Variants in EPRS1 observed in about 807,000 individuals in gnomAD.
EPRS1 encodes bifunctional glutamate/proline--tRNA ligase.
Under a neutral mutation model 188.3 loss-of-function variants are expected in EPRS1, and 107 were observed. That is an observed-to-expected ratio of 0.57 (90% CI 0.49 to 0.67). EPRS1 has a LOEUF of 0.67. EPRS1 is among the 30% of genes least tolerant of loss of function. EPRS1 has a pLI of 0.00. For missense variants in EPRS1, 1,577 were observed against 1,802.2 expected, an observed-to-expected ratio of 0.88 and a Z score of 2.26; for synonymous variants, 596 against 593.1, an observed-to-expected ratio of 1.00 and a Z score of -0.07.
Position 219,982,421 on chromosome 1 carries a change from A to C in EPRS1, c.3373+351T>G, listed in dbSNP as rs1171460662. 3 of 164,176 alleles carry C rather than the reference A, an allele frequency of 1.8e-5. No individual in the cohort carries two copies. In the Admixed American group the frequency reaches 1.9e-4, roughly 10 times the overall value. The allele number at this position is 164,176 out of a possible 1,614,324, so 10.2% of individuals were successfully genotyped here. ...AATGCAAACCTAAATGTATTATTAA[A>C]ATTTAAAAATAATTATGGCATAAAA... is the stretch of plus-strand genomic sequence containing the variant. On this transcript the variant is annotated intron_variant, in intron 23 of 31. Coordinates refer to ENST00000366923, the MANE Select transcript of EPRS1 (RefSeq NM_004446.3).
intron 10 of EPRS1, 98 bp from the exon 11 acceptor site, chr1:220,019,177 T>C (rs1465143404): frequency 2.5e-6 from 2 of 812,834 alleles, no homozygotes; most frequent in Non-Finnish European, 4.2e-6. Context: ...ATTCAGCTTG[T>C]TAAACATTTG....
In EPRS1 at chr1:219,983,241, G is replaced by A; in HGVS notation, c.3248C>T (p.Ser1083Phe). The A allele has an allele frequency of 6.2e-7, 1 of 1,614,118 alleles. No individual in the cohort carries two copies. Among genetic ancestry groups the A allele is most frequent in the Non-Finnish European group, 8.5e-7 (1 of 1,179,992 alleles). The part of the protein sequence containing the change: ...VENCYFPMFV[S>F]QSALEKEKTH... The stretch of plus-strand genomic sequence containing the variant: ...CTTCTCTTTCTCTAATGCACTTTGA[G>A]ACACAAACATGGGGAAGTAGCAGTT... The change falls in exon 22 of 32, where the codon TCT becomes TTT. Residue 1083 changes from serine to phenylalanine, a missense_variant. By Grantham distance (155) the Ser-to-Phe change is radical (BLOSUM62 -2). Transcript: ENST00000366923.
intron 9 of EPRS1, among the ~76,000 whole-genome samples, chr1:220,020,565 A>T (rs1661850456): frequency 6.6e-6 from 1 of 151,830 alleles, no homozygotes; most frequent in Non-Finnish European, 1.5e-5. Flanking sequence ...ATTTTAAGGA[A>T]ATTTAGCTTT....
At chr1:219,985,483 C>T (rs1332506366) in intron 20 of EPRS1, among the ~76,000 whole-genome samples, 2 of 152,152 alleles carry the variant, frequency 1.3e-5, no homozygotes, top group African/African-American at 4.8e-5. Context: ...ACCTCCACCT[C>T]CCAGGTTTAA....
intron 30 of EPRS1, among the ~76,000 whole-genome samples, chr1:219,971,189 A>T (rs549316403): frequency 6.6e-6 from 1 of 152,302 alleles, no homozygotes; most frequent in East Asian, 1.9e-4. Flanking sequence ...TTGTAACCTG[A>T]GGACACAGGA....
At chr1:220,018,951 C>T (rs1571687939) in intron 11 of EPRS1, 44 bp downstream of exon 11, 1 of 1,304,654 alleles carries the variant, frequency 7.7e-7, no homozygotes, top group South Asian at 1.2e-5. Context: ...ATAGAAGTAC[C>T]TGAAATTTCA....
chr1:220,017,925 G>A (rs1236700832), intron 12 of EPRS1, among the ~76,000 whole-genome samples: 1 of 152,168 alleles, frequency 6.6e-6, no homozygotes, highest in East Asian at 1.9e-4. Context: ...GTAGAATAGA[G>A]TTATCCCAAT....
At chr1:220,033,795 A>G (rs1558061739) in intron 3 of EPRS1, 137 bp from the exon 4 acceptor site, 3 of 612,242 alleles carry the variant, frequency 4.9e-6, no homozygotes, top group Non-Finnish European at 8.6e-6. Context: ...TATACAATTT[A>G]TCATTATGTG....
chr1:220,024,412 T>C lies in EPRS1; in HGVS notation c.795A>G (p.Gln265=), dbSNP rs138537399. The change falls in exon 8 of 32, where the codon CAA becomes CAG. Residue 265 remains glutamine (Q), a synonymous_variant. Transcript: ENST00000366923. ...DVAMLHIKPD[Q]FTYTSDHFET... is the part of the protein sequence containing the mutation. ...CAAAATGATCCGAAGTATAAGTAAATTGATCTGGTTTGATATGCAACATTG... is the reference window on the plus strand; with the variant it reads ...CAAAATGATCCGAAGTATAAGTAAACTGATCTGGTTTGATATGCAACATTG... 112 of 1,609,490 alleles carry C rather than the reference T, an allele frequency of 7.0e-5. No individual in the cohort carries two copies. The Middle Eastern group carries it at 8.2e-4, about 12-fold the overall frequency.
intron 28 of EPRS1, among the ~76,000 whole-genome samples, chr1:219,975,121 A>G (rs1022290830): frequency 2.6e-5 from 4 of 152,226 alleles, no homozygotes; most frequent in Admixed American, 6.5e-5. Flanking sequence ...GCAAAATGCA[A>G]TAGGACTGGA....
At chr1:220,020,871 T>TATATATATATATATG (rs1661865473) in intron 9 of EPRS1, among the ~76,000 whole-genome samples, 3 of 132,038 alleles carry the variant, frequency 2.3e-5, no homozygotes, top group Non-Finnish European at 4.8e-5. Context: ...TATATATATA[T>TATATATATATATATG]TAGTGCATTA....
At chr1:220,031,547 C>A (rs553867780) in intron 5 of EPRS1, among the ~76,000 whole-genome samples, 1 of 152,262 alleles carries the variant, frequency 6.6e-6, no homozygotes, top group East Asian at 1.9e-4. Context: ...AGATTTGTAG[C>A]CAAAACAACT....
Position 220,018,479 on chromosome 1 carries a change from C to T in EPRS1, c.1464G>A (p.Glu488=). ...QGSSRSVVNM[E]WDKIWAFNKK... is the part of the protein sequence containing the mutation. ...TGTTAAACGCCCAGATTTTGTCCCA[C>T]TCCATGTTCACGACTGAACGTGAGG... Residue 488 remains glutamate, a synonymous_variant, in exon 12 of 32, where the codon GAG becomes GAA. Coordinates refer to ENST00000366923, the MANE Select transcript of EPRS1 (RefSeq NM_004446.3). 6.2e-7 allele frequency: 1 copy of T among 1,612,294 alleles called. No homozygotes were observed. Among genetic ancestry groups the T allele is most frequent in the South Asian group, 1.1e-5 (1 of 91,004 alleles).
At chr1:220,018,338 G>A in intron 12 of EPRS1, 111 bp downstream of exon 12, 2 of 1,025,478 alleles carry the variant, frequency 2.0e-6, no homozygotes, top group Non-Finnish European at 3.0e-6. Context: ...TCTGCAAAAT[G>A]TTAATATTCT....
intron 5 of EPRS1, among the ~76,000 whole-genome samples, chr1:220,031,348 C>A (rs1221737067): frequency 1.3e-5 from 2 of 152,070 alleles, no homozygotes; most frequent in African/African-American, 4.8e-5. Flanking sequence ...TAAAGTGATA[C>A]CCTGAACTAG....
intron 29 of EPRS1, 107 bp downstream of exon 29, chr1:219,973,131 A>C: frequency 2.3e-6 from 2 of 854,748 alleles, no homozygotes; most frequent in South Asian, 3.5e-5. Context: ...GTTCAGAGGG[A>C]GGGAACAATT....
At chr1:220,020,432 C>G (rs1661847407) in intron 9 of EPRS1, among the ~76,000 whole-genome samples, 1 of 151,968 alleles carries the variant, frequency 6.6e-6, no homozygotes, top group South Asian at 2.1e-4. Flanking sequence ...AGCAGTCAAA[C>G]AAAAAAGCAA....
chr1:219,988,076 A>C (rs1165435004), intron 19 of EPRS1, among the ~76,000 whole-genome samples: 1 of 152,228 alleles, frequency 6.6e-6, no homozygotes, highest in African/African-American at 2.4e-5. Flanking sequence ...GTTCTAATAA[A>C]GTTAAATTTC....
At chr1:220,009,186 G>A (rs1048568647) in intron 13 of EPRS1, among the ~76,000 whole-genome samples, 13 of 152,008 alleles carry the variant, frequency 8.6e-5, no homozygotes, top group Non-Finnish European at 1.0e-4. Context: ...TCAACTAAAC[G>A]CGCACCCCAA....
Sources: allele counts gnomAD v4.1 joint callset (sites outside exome capture counted in the v4.1 genomes callset), GRCh38; gene constraint gnomAD v4.1.1; transcripts MANE v1.5; gene names NCBI Gene and HGNC (gene_info 2026-07-23, HGNC 2026-07-21).